The following CLSTN1 variants were observed in gnomAD, a reference collection of about 807,000 sequenced individuals.
The protein encoded by CLSTN1 is calsyntenin 1, also known as calsyntenin-1.
In CLSTN1, 28 loss-of-function variants were observed where a neutral mutation model predicts 108.3. That is an observed-to-expected ratio of 0.26 (90% CI 0.19 to 0.35). CLSTN1 has a LOEUF of 0.35. Among genes scored for constraint, CLSTN1 ranks in the 10% least tolerant of loss-of-function variants. CLSTN1 has a pLI of 1.00. For synonymous variants in CLSTN1, 524 were observed against 534.9 expected (o/e 0.98, Z 0.28); for missense variants, 1,157 against 1,302.6 (o/e 0.89, Z 1.72).
At chr1:9,802,561 CAT>C (rs1654327740) in intron 1 of CLSTN1, among the ~76,000 whole-genome samples, 1 of 152,204 alleles carries the variant, frequency 6.6e-6, no homozygotes, top group Admixed American at 6.6e-5. Flanking sequence ...CTCAACTGTA[CAT>C]GAGAGAGGTA....
rs767843669 is a variant in CLSTN1 at position 9,735,616 on chromosome 1, C to T, written c.1735-1G>A. The T allele has an allele frequency of 6.2e-7, 1 of 1,613,996 alleles. No homozygotes were observed. The highest frequency in any genetic ancestry group is 8.5e-7 in the Non-Finnish European group (1 of 1,179,982). On this transcript the variant is annotated splice_acceptor_variant, in intron 12 of 18. Coordinates refer to ENST00000377298, the MANE Select transcript of CLSTN1 (RefSeq NM_001009566.3). LOFTEE classifies it high-confidence loss of function. ...CCAACTGGCTGGGGTGTGCTTGGAT[C>T]TGAAATCACACCAGCCACAGAGAGG...
rs547229177 is a variant in CLSTN1, at chr1:9,767,492, C to A, written c.214+5780G>T. 2.0e-5 allele frequency among the ~76,000 whole-genome samples: 3 copies of A among 151,642 alleles called. No individual in the cohort carries two copies. The South Asian group carries it at 6.3e-4, about 32-fold the overall frequency. On this transcript the variant is annotated intron_variant, in intron 2 of 18. Coordinates refer to ENST00000377298, the MANE Select transcript of CLSTN1 (RefSeq NM_001009566.3). ...CCCAGGAGGCGGAGGTTGCAGTGAG[C>A]CGAGATAGCACCACTGCACTCCAGC... is the stretch of plus-strand genomic sequence containing the variant.
chr1:9,763,997 A>C (rs944323125), intron 2 of CLSTN1, among the ~76,000 whole-genome samples: 2 of 152,150 alleles, frequency 1.3e-5, no homozygotes, highest in African/African-American at 2.4e-5. Flanking sequence ...TGATGGCTGG[A>C]AAGTTCAAGG....
rs141704214 is a variant in CLSTN1, at chr1:9,785,903, C to T, written c.92-12509G>A. 4.3e-3 allele frequency among the ~76,000 whole-genome samples: 659 copies of T among 151,866 alleles called. 11 individuals are homozygous for T. The highest frequency in any genetic ancestry group is 0.043 in the East Asian group (223 of 5,174). The stretch of plus-strand genomic sequence containing the variant: ...AATAAAAACACATTAAGGCCGGGCA[C>T]GGTAGGTCATGCCTGTAATCCCAGC... On this transcript the variant is annotated intron_variant, in intron 1 of 18. Transcript: ENST00000377298.
chr1:9,760,982 C>A (rs1236637044), intron 2 of CLSTN1, among the ~76,000 whole-genome samples: 2 of 151,970 alleles, frequency 1.3e-5, no homozygotes, highest in Non-Finnish European at 2.9e-5. Context: ...ATCCCAGTTC[C>A]TTTCTGCCCT....
chr1:9,823,583 C>T lies in CLSTN1; in HGVS notation c.91+60G>A. On this transcript the variant is annotated intron_variant, in intron 1 of 18. Coordinates refer to ENST00000377298, the MANE Select transcript of CLSTN1 (RefSeq NM_001009566.3). The surrounding 1 kb of genome is among the most constrained non-coding windows in gnomAD (Gnocchi z 6.3). ...CGAATCCCCGCACCGGGACCCGAAT[C>T]CTGCACCCGGACCCGAATCCCGCAC... The T allele has an allele frequency of 9.0e-7, 1 of 1,112,538 alleles. No homozygotes were observed. The highest frequency in any genetic ancestry group is 2.3e-4 in the Middle Eastern group (1 of 4,396). 68.9% of individuals were successfully genotyped at this position (1,112,538 alleles called of 1,614,324 possible). A position where few individuals can be genotyped will look rare whatever the true frequency, so the allele number is the denominator to read the frequency against.
chr1:9,754,587 G>A (rs543720208), intron 4 of CLSTN1, among the ~76,000 whole-genome samples: 2 of 151,720 alleles, frequency 1.3e-5, no homozygotes, highest in African/African-American at 2.4e-5. Context: ...GGCCAGGTAC[G>A]GCTCACGCCT....
intron 16 of CLSTN1, among the ~76,000 whole-genome samples, chr1:9,732,714 C>T (rs773925419): frequency 2.6e-4 from 40 of 152,344 alleles, no homozygotes; most frequent in Non-Finnish European, 4.9e-4. Context: ...GGAGGAGCTA[C>T]CCTCTAGCCT....
At chr1:9,789,984 ATAAAG>A (rs1381811445) in intron 1 of CLSTN1, among the ~76,000 whole-genome samples, 1 of 151,488 alleles carries the variant, frequency 6.6e-6, no homozygotes, top group African/African-American at 2.4e-5. Context: ...ATCTAAAAAA[ATAAAG>A]TAAAATAAAT....
Position 9,823,869 on chromosome 1 carries a change from G to A in CLSTN1, c.-136C>T. 4.2e-6 allele frequency: 1 copy of A among 238,730 alleles called. No individual in the cohort carries two copies. The highest frequency in any genetic ancestry group is 1.4e-4 in the South Asian group (1 of 7,130). The allele number at this position is 238,730 out of a possible 1,614,324, so 14.8% of individuals were successfully genotyped here. A position where few individuals can be genotyped will look rare whatever the true frequency, so the allele number is the denominator to read the frequency against. On this transcript the variant is annotated 5_prime_UTR_variant, in exon 1 of 19. Transcript: ENST00000377298. This position sits in a 1 kb window ranked among gnomAD's most constrained non-coding sequence, Gnocchi z 6.3. ...TCCGGGGGTCCAAGGAGGAGCCGCCGCCGCCGCCGCCGTGACGCTGGGCCG... is the reference window on the plus strand; with the variant it reads ...TCCGGGGGTCCAAGGAGGAGCCGCCACCGCCGCCGCCGTGACGCTGGGCCG...
chr1:9,757,014 G>A (rs1281692846), intron 2 of CLSTN1, among the ~76,000 whole-genome samples: 1 of 150,912 alleles, frequency 6.6e-6, no homozygotes, highest in Admixed American at 6.6e-5. Context: ...TCCTGACCTC[G>A]TGATCCGCCC....
chr1:9,774,929 G>A (rs1012969228), intron 1 of CLSTN1, among the ~76,000 whole-genome samples: 11 of 152,108 alleles, frequency 7.2e-5, no homozygotes, highest in Non-Finnish European at 1.0e-4. Context: ...GGAAACTGAG[G>A]ACTCCTCCCC....
intron 3 of CLSTN1, among the ~76,000 whole-genome samples, chr1:9,756,105 G>A (rs1307586493): frequency 6.6e-6 from 1 of 152,152 alleles, no homozygotes; most frequent in Non-Finnish European, 1.5e-5. Context: ...TCTTGTCCAT[G>A]GGAGAACAGT....
chr1:9,731,332 C>T lies in CLSTN1; in HGVS notation c.2622G>A (p.Met874Ile), dbSNP rs1188003065. Reference sequence around the variant, plus strand: ...GGATCCGAAATACCCCCAGGATAATCATGAACACCAGGAAGCTGACGCACA... The same window carrying T: ...GGATCCGAAATACCCCCAGGATAATTATGAACACCAGGAAGCTGACGCACA... ...IVVCVSFLVF[M>I]IILGVFRIRA... is the part of the protein sequence containing the mutation. The change falls in exon 18 of 19, where the codon ATG (methionine) becomes ATA (isoleucine). Residue 874 changes from methionine to isoleucine, a missense_variant. Transcript: ENST00000377298. The T allele has an allele frequency of 6.2e-7, 1 of 1,614,270 alleles. No individual in the cohort carries two copies. Among genetic ancestry groups the T allele is most frequent in the South Asian group, 1.1e-5 (1 of 91,092 alleles).
chr1:9,733,621 C>G, intron 15 of CLSTN1, 75 bp from the exon 16 acceptor site: 1 of 1,568,364 alleles, frequency 6.4e-7, no homozygotes, highest in Non-Finnish European at 8.7e-7. Context: ...GCCGTCAGCA[C>G]AGGCAGGCTC....
Position 9,786,717 on chromosome 1 carries a change from T to C in CLSTN1, c.92-13323A>G, listed in dbSNP as rs1570491872. On this transcript the variant is annotated intron_variant, in intron 1 of 18. Coordinates refer to ENST00000377298, the MANE Select transcript of CLSTN1 (RefSeq NM_001009566.3). ...GCAAGCTCTGCACATCTGGATCCAC[T>C]CTCTTGCTCACAGGCTGGGACACCT... Among the ~76,000 whole-genome samples the C allele has an allele frequency of 3.6e-5, 5 of 139,398 alleles. No individual in the cohort carries two copies. In the South Asian group the frequency reaches 1.3e-3, roughly 36 times the overall value. 91.5% of individuals were successfully genotyped at this position (139,398 alleles called of 152,430 possible).
intron 2 of CLSTN1, among the ~76,000 whole-genome samples, chr1:9,764,440 C>T (rs996832384): frequency 2.6e-5 from 4 of 152,022 alleles, no homozygotes; most frequent in African/African-American, 9.7e-5. Flanking sequence ...GGTTCAAGGC[C>T]AGCCTGGGTA....
At chr1:9,789,419 C>T (rs1315383191) in intron 1 of CLSTN1, among the ~76,000 whole-genome samples, 9 of 151,352 alleles carry the variant, frequency 5.9e-5, no homozygotes, top group Admixed American at 4.0e-4. Flanking sequence ...GTAATTTTAC[C>T]TTCTCGTATT....
chr1:9,790,759 A>C (rs1253601816), intron 1 of CLSTN1, among the ~76,000 whole-genome samples: 1 of 151,408 alleles, frequency 6.6e-6, no homozygotes, highest in Non-Finnish European at 1.5e-5. Context: ...TATGAAAGGC[A>C]AGAGACAGCG....
Sources: allele counts gnomAD v4.1 joint callset (sites outside exome capture counted in the v4.1 genomes callset), GRCh38; gene constraint gnomAD v4.1.1; non-coding constraint Gnocchi (gnomAD v3.1); transcripts MANE v1.5; gene names NCBI Gene and HGNC (gene_info 2026-07-23, HGNC 2026-07-21).